ITK: variants seen among roughly 807,000 people sequenced by gnomAD.
ITK encodes tyrosine-protein kinase ITK/TSK.
In ITK, 45 loss-of-function variants were observed where a neutral mutation model predicts 87.6. The ratio of observed to expected loss-of-function variants is 0.51; its 90% CI spans 0.40 to 0.66. ITK has a LOEUF of 0.66. Among genes scored for constraint, ITK ranks in the 30% least tolerant of loss-of-function variants. The pLI, the probability that ITK is intolerant of heterozygous loss-of-function variation, is 0.00. For missense variants in ITK, 605 were observed against 766.3 expected (o/e 0.79, Z 2.48); for synonymous variants, 303 against 273.6 (o/e 1.11, Z -1.06).
chr5:157,235,025 T>G (rs1303870386), intron 8 of ITK, among the ~76,000 whole-genome samples: 1 of 152,196 alleles, frequency 6.6e-6, no homozygotes, highest in African/African-American at 2.4e-5. Flanking sequence ...GCCACTAGAC[T>G]ATAAACAATT....
chr5:157,245,650 T>C, intron 13 of ITK, 76 bp from the exon 14 acceptor site: 5 of 1,140,252 alleles, frequency 4.4e-6, no homozygotes, highest in Non-Finnish European at 6.7e-6. Context: ...GGACTGTGAT[T>C]ATAGGAGACT....
At chr5:157,222,609 G>A (rs758175212) in intron 5 of ITK, 7 of 525,128 alleles carry the variant, frequency 1.3e-5, no homozygotes, top group Admixed American at 1.2e-4. Flanking sequence ...AGTGCAGATA[G>A]AGAAACCAGC....
In ITK at chr5:157,243,611, T is replaced by C; in HGVS notation, c.1061-12T>C. 1 of 1,611,768 alleles carries C rather than the reference T, an allele frequency of 6.2e-7. No individual in the cohort carries two copies. The highest frequency in any genetic ancestry group is 8.5e-7 in the Non-Finnish European group (1 of 1,179,548). On this transcript the variant is annotated splice_polypyrimidine_tract_variant and intron_variant, in intron 11 of 16. Coordinates refer to ENST00000422843, the MANE Select transcript of ITK (RefSeq NM_005546.4). ...CTTGCTGACCCCAGAGAACTCTCTC[T>C]CTCTCTTCCAGGGAAATGGGTGATC...
intron 1 of ITK, among the ~76,000 whole-genome samples, chr5:157,200,378 C>T (rs1561649767): frequency 6.6e-6 from 1 of 152,152 alleles, no homozygotes; most frequent in Non-Finnish European, 1.5e-5. Flanking sequence ...TTGTACTTGG[C>T]CTCTCCCTTT....
intron 1 of ITK, among the ~76,000 whole-genome samples, chr5:157,204,944 T>C (rs980645830): frequency 3.3e-5 from 5 of 152,154 alleles, no homozygotes; most frequent in South Asian, 4.1e-4. Context: ...AGCTACTAAA[T>C]CAAAGATCAG....
chr5:157,209,818 C>T (rs1415748113), intron 2 of ITK, among the ~76,000 whole-genome samples: 1 of 152,138 alleles, frequency 6.6e-6, no homozygotes, highest in African/African-American at 2.4e-5. Flanking sequence ...ATTAAAAATT[C>T]AGCTTCTTAG....
intron 5 of ITK, among the ~76,000 whole-genome samples, 172 bp downstream of exon 5, chr5:157,218,079 T>C (rs945671528): frequency 6.6e-6 from 1 of 152,206 alleles, no homozygotes; most frequent in Non-Finnish European, 1.5e-5. Flanking sequence ...TTGAACTCTC[T>C]TGGGGGGTCT....
At chr5:157,190,149 A>G (rs1444356890) in intron 1 of ITK, among the ~76,000 whole-genome samples, 1 of 152,192 alleles carries the variant, frequency 6.6e-6, no homozygotes, top group Admixed American at 6.5e-5. Context: ...TTATGTTGCC[A>G]TATAATTCCT....
At chr5:157,209,509 C>A (rs929725340) in intron 2 of ITK, among the ~76,000 whole-genome samples, 2 of 152,126 alleles carry the variant, frequency 1.3e-5, no homozygotes, top group Non-Finnish European at 2.9e-5. Context: ...AGCACAAAAT[C>A]TTGAAAAGGT....
intron 6 of ITK, among the ~76,000 whole-genome samples, chr5:157,224,822 T>C (rs1453455178): frequency 6.6e-6 from 1 of 152,150 alleles, no homozygotes; most frequent in Non-Finnish European, 1.5e-5. Flanking sequence ...TCTTAGAATG[T>C]ATGATTGTAT....
At chr5:157,231,129 G>A (rs1190477748) in intron 7 of ITK, among the ~76,000 whole-genome samples, 1 of 152,198 alleles carries the variant, frequency 6.6e-6, no homozygotes, top group Admixed American at 6.5e-5. Context: ...TTGGTAAATT[G>A]AATGGATTCA....
intron 1 of ITK, among the ~76,000 whole-genome samples, chr5:157,181,607 A>C (rs1239698248): frequency 6.6e-6 from 1 of 152,196 alleles, no homozygotes; most frequent in Non-Finnish European, 1.5e-5. Context: ...CGTTTTCATG[A>C]ATAACTCTGT....
intron 2 of ITK, among the ~76,000 whole-genome samples, chr5:157,210,472 G>A (rs1754166540): frequency 6.6e-6 from 1 of 151,308 alleles, no homozygotes; most frequent in African/African-American, 2.4e-5. Flanking sequence ...TAAAAGAGAG[G>A]TGAAATATAA....
chr5:157,198,442 T>C (rs897181968), intron 1 of ITK, among the ~76,000 whole-genome samples: 4 of 152,186 alleles, frequency 2.6e-5, no homozygotes, highest in Non-Finnish European at 2.9e-5. Context: ...AGCCACATGG[T>C]AACCCACAGT....
intron 16 of ITK, among the ~76,000 whole-genome samples, chr5:157,249,870 A>G (rs1561666571): frequency 6.6e-6 from 1 of 152,226 alleles, no homozygotes; most frequent in Admixed American, 6.5e-5. Context: ...TAGCTACAAT[A>G]ATAATAATGA....
chr5:157,214,032 G>A (rs1174713277), intron 3 of ITK, among the ~76,000 whole-genome samples, 159 bp from the exon 4 acceptor site: 2 of 152,190 alleles, frequency 1.3e-5, no homozygotes, highest in Non-Finnish European at 2.9e-5. Flanking sequence ...AAATAGCACA[G>A]TGCATTTATG....
intron 12 of ITK, 77 bp from the exon 13 acceptor site, chr5:157,244,185 A>C: frequency 8.8e-7 from 1 of 1,136,736 alleles, no homozygotes; most frequent in Non-Finnish European, 1.3e-6. Flanking sequence ...ACCATTGGCT[A>C]TTTTGGTACC....
intron 15 of ITK, among the ~76,000 whole-genome samples, chr5:157,247,149 T>C (rs2113776647): frequency 6.6e-6 from 1 of 152,330 alleles, no homozygotes; most frequent in South Asian, 2.1e-4. Flanking sequence ...GGAGTTTGGC[T>C]AGGTAAATCT....
At chr5:157,227,106 C>G (rs761751230) in intron 6 of ITK, among the ~76,000 whole-genome samples, 1 of 152,172 alleles carries the variant, frequency 6.6e-6, no homozygotes, top group Non-Finnish European at 1.5e-5. Flanking sequence ...AGGTGTGAGC[C>G]ACCACACCCA....
Sources: allele counts gnomAD v4.1 joint callset (sites outside exome capture counted in the v4.1 genomes callset), GRCh38; gene constraint gnomAD v4.1.1; transcripts MANE v1.5; gene names NCBI Gene and HGNC (gene_info 2026-07-23, HGNC 2026-07-21).